Variants in TOGARAM2 observed in about 807,000 individuals in gnomAD.
TOGARAM2 encodes TOG array regulator of axonemal microtubules 2.
TOGARAM2 carries 85 observed loss-of-function variants against 93.3 expected under a neutral mutation model. That is an observed-to-expected ratio of 0.91 (90% CI 0.76 to 1.09). TOGARAM2 has a LOEUF of 1.09. TOGARAM2 is among the 50% of genes least tolerant of loss of function. TOGARAM2 has a pLI of 0.00. For missense variants in TOGARAM2, 1,277 were observed against 1,334.5 expected (o/e 0.96, Z 0.67); for synonymous variants, 593 against 552.8 (o/e 1.07, Z -1.02).
chr2:29,034,532 G>A (rs932138160), intron 16 of TOGARAM2, among the ~76,000 whole-genome samples: 1 of 152,256 alleles, frequency 6.6e-6, no homozygotes, highest in African/African-American at 2.4e-5. Context: ...GACAATGAGT[G>A]TGGAATGCAG....
chr2:29,000,714 C>T (rs1673241824), intron 4 of TOGARAM2, among the ~76,000 whole-genome samples: 2 of 152,130 alleles, frequency 1.3e-5, no homozygotes, highest in Non-Finnish European at 2.9e-5. Flanking sequence ...GTGCAGACTG[C>T]TCCACCTGCT....
rs555723152 is a variant in TOGARAM2 at position 28,967,931 on chromosome 2, G to A, written c.-147+11234G>A. 1.0e-4 allele frequency among the ~76,000 whole-genome samples: 15 copies of A among 147,868 alleles called. No homozygotes were observed. In the South Asian group the frequency reaches 3.0e-3, roughly 29 times the overall value. ...CCTCCTGGGTTCAAGCGATTCTCCT[G>A]TCTCAGCCTCCCGGGTAGCTGGGAT... is the stretch of plus-strand genomic sequence containing the variant. On this transcript the variant is annotated intron_variant, in intron 1 of 6. Transcript: ENST00000401723.
rs368974851 is a variant in TOGARAM2 at position 29,051,761 on chromosome 2, G to C, written c.2728G>C (p.Val910Leu). 5 of 1,503,990 alleles carry C rather than the reference G, an allele frequency of 3.3e-6. No homozygotes were observed. Among genetic ancestry groups the C allele is most frequent in the Non-Finnish European group, 4.5e-6 (5 of 1,117,446 alleles). The allele number at this position is 1,503,990 out of a possible 1,614,324, so 93.2% of individuals were successfully genotyped here. Residue 910 changes from valine to leucine, a missense_variant, in exon 20 of 20, where the codon GTG becomes CTG. Transcript: ENST00000379558. ...TCTCCTTTTCTGCCTGACAGTGCTG[G>C]TGGCCTCAGTTTACCCCCGGAAGCC... ...LDVTDRLAVL[V>L]ASVYPRKPQA... is the part of the protein sequence containing the mutation.
In TOGARAM2 at chr2:28,999,322, T is replaced by G. The variant is rs1447137280; in HGVS notation, c.281T>G (p.Leu94Arg). Reference sequence around the variant, plus strand: ...GCAAGGAATGGTCACCCCAGGAACCTCAGGGCCTTGTCTTTGGGGGACCAG... The same window carrying G: ...GCAAGGAATGGTCACCCCAGGAACCGCAGGGCCTTGTCTTTGGGGGACCAG... ...WQARNGHPRNLRALSLGDQPL... is the reference protein window; with the variant it reads ...WQARNGHPRNRRALSLGDQPL... Residue 94 changes from leucine (L) to arginine (R), a missense_variant, in exon 4 of 20, where the codon CTC becomes CGC. Leu to Arg is a moderately radical substitution (Grantham distance 102). Transcript: ENST00000379558. 6.2e-7 allele frequency: 1 copy of G among 1,613,734 alleles called. No homozygotes were observed. The highest frequency in any genetic ancestry group is 8.5e-7 in the Non-Finnish European group (1 of 1,179,828).
chr2:29,050,555 C>T (rs1178989518), intron 19 of TOGARAM2: 1 of 152,154 alleles, frequency 6.6e-6, no homozygotes, highest in East Asian at 1.9e-4. Flanking sequence ...CATCCTGCCT[C>T]TCAGGGGTGC....
chr2:28,961,576 A>T (rs1331830801), intron 1 of TOGARAM2, among the ~76,000 whole-genome samples: 1 of 152,132 alleles, frequency 6.6e-6, no homozygotes, highest in Non-Finnish European at 1.5e-5. Flanking sequence ...CCTGATCTCA[A>T]GTGATCTGCC....
At chr2:28,991,673 T>G (rs1672740042) in intron 1 of TOGARAM2, among the ~76,000 whole-genome samples, 1 of 152,226 alleles carries the variant, frequency 6.6e-6, no homozygotes, top group Non-Finnish European at 1.5e-5. Flanking sequence ...GGCGTGGAGC[T>G]GCACGCTCCC....
chr2:29,036,540 G>A lies in TOGARAM2; in HGVS notation c.2419-1G>A. The A allele has an allele frequency of 1.2e-6, 2 of 1,613,898 alleles. No individual in the cohort carries two copies. The highest frequency in any genetic ancestry group is 8.5e-7 in the Non-Finnish European group (1 of 1,179,858). On this transcript the variant is annotated splice_acceptor_variant, in intron 17 of 19. Transcript: ENST00000379558. LOFTEE classifies it high-confidence loss of function. ...GCTCTTGGTTTCTGTTTCTTCAATAGGTCTTTGATGCTTTCACCCCAAGGC... is the reference window on the plus strand; with the variant it reads ...GCTCTTGGTTTCTGTTTCTTCAATAAGTCTTTGATGCTTTCACCCCAAGGC...
intron 1 of TOGARAM2, among the ~76,000 whole-genome samples, chr2:28,964,566 GC>G (rs1671842646): frequency 6.6e-6 from 1 of 151,182 alleles, no homozygotes; most frequent in Non-Finnish European, 1.5e-5. Flanking sequence ...GTGGTTTGCT[GC>G]CCAGATCAAC....
chr2:29,009,403 T>C (rs55893076), intron 6 of TOGARAM2, among the ~76,000 whole-genome samples: 11,439 of 152,038 alleles, frequency 0.075, 511 homozygotes, highest in African/African-American at 0.12. Flanking sequence ...AGAAAGGCCA[T>C]GTTGGCAACC....
chr2:28,993,891 G>C (rs1342743351), intron 1 of TOGARAM2, among the ~76,000 whole-genome samples: 2 of 152,226 alleles, frequency 1.3e-5, no homozygotes, highest in Admixed American at 6.5e-5. Flanking sequence ...TTCCTGCCCT[G>C]TCCCCAGACG....
intron 1 of TOGARAM2, among the ~76,000 whole-genome samples, chr2:28,992,775 T>G (rs1477706896): frequency 6.6e-6 from 1 of 152,192 alleles, no homozygotes; most frequent in Non-Finnish European, 1.5e-5. Flanking sequence ...AATCAGAAGT[T>G]AAGGCTGGGT....
At chr2:29,000,563 C>G (rs13018494) in intron 4 of TOGARAM2, among the ~76,000 whole-genome samples, 66,465 of 151,738 alleles carry the variant, frequency 0.44, 16,216 homozygotes, top group East Asian at 0.76. Flanking sequence ...CATACGGGCT[C>G]TTTTCAGCGG....
upstream of TOGARAM2, among the ~76,000 whole-genome samples, chr2:28,978,915 A>G (rs1043944600): frequency 2.6e-5 from 4 of 152,170 alleles, no homozygotes; most frequent in African/African-American, 9.7e-5. Flanking sequence ...GGGTCGATAC[A>G]GGCTTTGTGA....
chr2:29,024,318 G>C lies in TOGARAM2; in HGVS notation c.1797G>C (p.Met599Ile). 6.2e-7 allele frequency: 1 copy of C among 1,613,026 alleles called. No individual in the cohort carries two copies. The highest frequency in any genetic ancestry group is 8.5e-7 in the Non-Finnish European group (1 of 1,179,526). The change falls in exon 13 of 20, where the codon ATG becomes ATC. Residue 599 changes from methionine to isoleucine, a missense_variant. Transcript: ENST00000379558. ...CAGCCGGCCAGTCTCTGAGGGCTAT[G>C]GTGGAGAATGTGACCCTTGCCCGCT... ...QRAAGQSLRAMVENVTLARSL... is the reference protein window; with the variant it reads ...QRAAGQSLRAIVENVTLARSL...
chr2:28,982,373 C>G (rs1034317886), intron 1 of TOGARAM2, among the ~76,000 whole-genome samples: 5 of 152,130 alleles, frequency 3.3e-5, no homozygotes, highest in Non-Finnish European at 5.9e-5. Flanking sequence ...GACTGGGGCC[C>G]GTACTCTGTC....
chr2:28,993,714 T>C (rs941053293), intron 1 of TOGARAM2, among the ~76,000 whole-genome samples: 4 of 152,202 alleles, frequency 2.6e-5, no homozygotes, highest in Non-Finnish European at 5.9e-5. Context: ...GGTGCTGTGC[T>C]GGGCCGGGCA....
chr2:29,011,030 C>T (rs1173148790), intron 6 of TOGARAM2, among the ~76,000 whole-genome samples: 1 of 152,122 alleles, frequency 6.6e-6, no homozygotes, highest in Non-Finnish European at 1.5e-5. Flanking sequence ...TCACTGAGCT[C>T]TCACGGGGTT....
chr2:29,024,741 C>T (rs1572736770), intron 13 of TOGARAM2, among the ~76,000 whole-genome samples: 1 of 152,294 alleles, frequency 6.6e-6, no homozygotes, highest in Non-Finnish European at 1.5e-5. Flanking sequence ...CTGGGGAGCA[C>T]ACCGTGGCTG....
Sources: allele counts gnomAD v4.1 joint callset (sites outside exome capture counted in the v4.1 genomes callset), GRCh38; gene constraint gnomAD v4.1.1; transcripts MANE v1.5; gene names NCBI Gene and HGNC (gene_info 2026-07-23, HGNC 2026-07-21).